The following DOCK4 variants were observed in gnomAD, a reference collection of about 807,000 sequenced individuals.
DOCK4 encodes the protein dedicator of cytokinesis 4, also known as dedicator of cytokinesis protein 4.
DOCK4 carries 97 observed loss-of-function variants against 268.1 expected under a neutral mutation model. The ratio of observed to expected loss-of-function variants is 0.36; its 90% confidence interval spans 0.31 to 0.43. The LOEUF is 0.43. Ranked by LOEUF, DOCK4 falls within the 20% of genes least tolerant of loss-of-function variation. The pLI, the probability that DOCK4 is intolerant of heterozygous loss-of-function variation, is 1.00. For synonymous variants in DOCK4, 954 were observed against 887.2 expected (o/e 1.08, Z -1.34); for missense variants, 2,145 against 2,455.7 (o/e 0.87, Z 2.67).
intron 25 of DOCK4, among the ~76,000 whole-genome samples, chr7:111,834,984 G>T (rs568398099): frequency 6.6e-6 from 1 of 152,102 alleles, no homozygotes; most frequent in Non-Finnish European, 1.5e-5. Flanking sequence ...ATTTAAAGAA[G>T]GTAAGGCACC....
At chr7:111,924,386 C>G (rs1273385037) in intron 12 of DOCK4, among the ~76,000 whole-genome samples, 1 of 152,066 alleles carries the variant, frequency 6.6e-6, no homozygotes, top group Non-Finnish European at 1.5e-5. Flanking sequence ...ATGCTAGTAG[C>G]CTACCCTCTC....
intron 1 of DOCK4, among the ~76,000 whole-genome samples, chr7:112,040,725 G>C (rs1475240885): frequency 6.6e-6 from 1 of 152,042 alleles, no homozygotes; most frequent in African/African-American, 2.4e-5. Flanking sequence ...TCAATAAATA[G>C]GTAGATGCTA....
chr7:111,750,419 G>A (rs948883123), intron 42 of DOCK4, among the ~76,000 whole-genome samples: 7 of 152,272 alleles, frequency 4.6e-5, no homozygotes, highest in African/African-American at 1.7e-4. Flanking sequence ...GAATCCATGA[G>A]GCATGATTAC....
intron 1 of DOCK4, among the ~76,000 whole-genome samples, chr7:112,191,530 C>T (rs994427439): frequency 6.6e-6 from 1 of 152,144 alleles, no homozygotes. Context: ...AACGTGGGGA[C>T]TTATTTCACA....
chr7:112,082,332 T>C (rs143172252), intron 1 of DOCK4, among the ~76,000 whole-genome samples: 2 of 152,184 alleles, frequency 1.3e-5, no homozygotes, highest in East Asian at 3.9e-4. Flanking sequence ...ATGCCCCCAT[T>C]TGTGGGTCTG....
intron 1 of DOCK4, among the ~76,000 whole-genome samples, chr7:112,127,458 C>T (rs1229548576): frequency 1.4e-5 from 2 of 147,702 alleles, no homozygotes; most frequent in Admixed American, 1.3e-4. Context: ...ATACCTAATG[C>T]TAAATGACAA....
chr7:111,899,497 G>C (rs1790950554), intron 15 of DOCK4, among the ~76,000 whole-genome samples: 1 of 152,186 alleles, frequency 6.6e-6, no homozygotes, highest in African/African-American at 2.4e-5. Flanking sequence ...TTGGGGGAGA[G>C]AGATGGGGCT....
chr7:112,124,741 T>C (rs1813060651), intron 1 of DOCK4, among the ~76,000 whole-genome samples: 1 of 152,226 alleles, frequency 6.6e-6, no homozygotes, highest in Non-Finnish European at 1.5e-5. Context: ...CCCATAGTGT[T>C]TTAAGAAAAC....
chr7:111,855,198 G>T (rs74765281), intron 23 of DOCK4, among the ~76,000 whole-genome samples: 1 of 152,192 alleles, frequency 6.6e-6, no homozygotes, highest in Non-Finnish European at 1.5e-5. Flanking sequence ...GGAGCTGGGA[G>T]TGACATCATC....
intron 51 of DOCK4, among the ~76,000 whole-genome samples, chr7:111,733,185 CACA>C (rs767283829): frequency 3.3e-5 from 5 of 152,188 alleles, no homozygotes; most frequent in Non-Finnish European, 5.9e-5. Context: ...GTTTGCAACT[CACA>C]ACTACTGAAA....
In DOCK4 at chr7:111,758,607, T is replaced by C; in HGVS notation, c.4329+17A>G. On this transcript the variant is annotated intron_variant, in intron 41 of 52. Transcript: ENST00000428084. ...GTCTATCTGAGGAGTTAGCATGTAA[T>C]AAGAATTGCATGGTACCTTGAATTC... 6.2e-7 allele frequency: 1 copy of C among 1,613,110 alleles called. No individual in the cohort carries two copies. Among genetic ancestry groups the C allele is most frequent in the Non-Finnish European group, 8.5e-7 (1 of 1,179,482 alleles).
chr7:112,043,675 T>A (rs758269494), intron 1 of DOCK4, among the ~76,000 whole-genome samples: 1 of 151,912 alleles, frequency 6.6e-6, no homozygotes, highest in Non-Finnish European at 1.5e-5. Context: ...TAGATGCGAA[T>A]GTCAGGGAAT....
intron 30 of DOCK4, among the ~76,000 whole-genome samples, chr7:111,799,521 G>C (rs1406443680): frequency 6.6e-6 from 1 of 152,132 alleles, no homozygotes; most frequent in Non-Finnish European, 1.5e-5. Context: ...GGCAATAAAA[G>C]TTACAGAAAC....
At chr7:112,191,368 C>T (rs1221396059) in intron 1 of DOCK4, among the ~76,000 whole-genome samples, 1 of 152,070 alleles carries the variant, frequency 6.6e-6, no homozygotes, top group Non-Finnish European at 1.5e-5. Context: ...GCTCCCATTT[C>T]CCTATTTCTC....
rs192800690 is a variant in DOCK4 at position 111,749,980 on chromosome 7, C to T, written c.4417-2537G>A. ...TCACTTCTAGGGAAATATAAGGGGA[C>T]GGTCAAAGAAGTGTGCAAAGATATG... On this transcript the variant is annotated intron_variant, in intron 42 of 52. Transcript: ENST00000428084. 5.0e-4 allele frequency among the ~76,000 whole-genome samples: 76 copies of T among 152,262 alleles called. 1 individual carries two copies. Among genetic ancestry groups the T allele is most frequent in the Middle Eastern group, 3.4e-3 (1 of 294 alleles).
intron 1 of DOCK4, among the ~76,000 whole-genome samples, chr7:112,194,427 T>C (rs950997314): frequency 1.3e-5 from 2 of 152,240 alleles, no homozygotes; most frequent in African/African-American, 2.4e-5. Context: ...CACAGCTATA[T>C]GAAAACACAT....
At chr7:111,872,115 T>G in intron 19 of DOCK4, 25 bp from the exon 20 acceptor site, 1 of 1,501,392 alleles carries the variant, frequency 6.7e-7, no homozygotes, top group Non-Finnish European at 8.9e-7. Flanking sequence ...TTGAGCTTTA[T>G]AAAACTAAAT....
chr7:111,896,822 C>A (rs1808799994), intron 15 of DOCK4, among the ~76,000 whole-genome samples: 1 of 152,102 alleles, frequency 6.6e-6, no homozygotes, highest in African/African-American at 2.4e-5. Context: ...CTGGCTGGTG[C>A]TGGTCCCTAA....
At chr7:111,739,577 AC>A (rs1396855479) in intron 47 of DOCK4, 100 bp from the exon 48 acceptor site, 235 of 1,014,914 alleles carry the variant, frequency 2.3e-4, no homozygotes, top group Middle Eastern at 4.1e-4. Context: ...CAAATTAGCA[AC>A]AAAAAGTCCG....
Sources: gnomAD v4.1 joint callset for allele counts (sites outside exome capture counted in the v4.1 genomes callset) on GRCh38, gnomAD v4.1.1 for gene constraint, MANE v1.5 for transcripts, NCBI Gene and HGNC (gene_info 2026-07-23, HGNC 2026-07-21) for gene names.